DDX60: variants seen among roughly 807,000 people sequenced by gnomAD.
The protein encoded by DDX60 is DExD/H-box helicase 60, also known as probable ATP-dependent RNA helicase DDX60.
DDX60 carries 165 observed loss-of-function variants against 212.8 expected under a neutral mutation model. That is an observed-to-expected ratio of 0.78 (90% CI 0.68 to 0.88). The LOEUF (loss-of-function observed/expected upper bound fraction) is 0.88, where lower values mean the gene tolerates loss of function less well. Ranked by LOEUF, DDX60 falls within the 40% of genes least tolerant of loss-of-function variation. DDX60 has a pLI of 0.00. For missense variants in DDX60, 1,905 were observed against 2,003.9 expected (o/e 0.95, Z 0.94); for synonymous variants, 703 against 685.3 (o/e 1.03, Z -0.40).
intron 7 of DDX60, 142 bp from the exon 8 acceptor site, chr4:168,292,048 T>TC: frequency 4.7e-6 from 2 of 421,166 alleles, no homozygotes; most frequent in African/African-American, 6.6e-5. Flanking sequence ...TTTCTTTCTT[T>TC]CTTTTTTTTT....
At chr4:168,256,969 T>C (rs910418532) in intron 25 of DDX60, among the ~76,000 whole-genome samples, 24 of 152,378 alleles carry the variant, frequency 1.6e-4, no homozygotes, top group Middle Eastern at 3.4e-3. Flanking sequence ...TGAGAGTCTA[T>C]GCCACATGGC....
intron 16 of DDX60, 115 bp from the exon 17 acceptor site, chr4:168,274,198 A>G: frequency 1.6e-6 from 2 of 1,242,434 alleles, no homozygotes; most frequent in Non-Finnish European, 2.2e-6. Flanking sequence ...ATCTGTAGGT[A>G]CATCTGAAGG....
At chr4:168,230,235 C>T (rs1733398635) in intron 33 of DDX60, among the ~76,000 whole-genome samples, 1 of 151,900 alleles carries the variant, frequency 6.6e-6, no homozygotes, top group Admixed American at 6.6e-5. Flanking sequence ...TACTAATATA[C>T]CTAAGAAATG....
At chr4:168,224,409 A>G in intron 34 of DDX60, 24 bp from the exon 35 acceptor site, 2 of 1,607,922 alleles carry the variant, frequency 1.2e-6, no homozygotes, top group Non-Finnish European at 1.7e-6. Context: ...TTAGGGATAG[A>G]TTAGTGTTTT....
intron 3 of DDX60, 26 bp downstream of exon 3, chr4:168,310,972 G>T: frequency 7.4e-7 from 1 of 1,353,208 alleles, no homozygotes; most frequent in Non-Finnish European, 1.0e-6. Flanking sequence ...ATGATTTCCC[G>T]TCTTTATTAC....
intron 26 of DDX60, among the ~76,000 whole-genome samples, chr4:168,253,779 G>C (rs946131675): frequency 6.6e-6 from 1 of 152,052 alleles, no homozygotes; most frequent in African/African-American, 2.4e-5. Flanking sequence ...ATGCTACTAG[G>C]AATCTACCTA....
intron 14 of DDX60, among the ~76,000 whole-genome samples, chr4:168,277,341 T>A (rs1282488439): frequency 6.6e-6 from 1 of 152,208 alleles, no homozygotes; most frequent in Non-Finnish European, 1.5e-5. Context: ...GGGTGCCTCA[T>A]CGTTTTTGTT....
chr4:168,233,115 A>T (rs1460588026), intron 33 of DDX60, among the ~76,000 whole-genome samples: 1 of 152,088 alleles, frequency 6.6e-6, no homozygotes, highest in Admixed American at 6.6e-5. Flanking sequence ...AAAATGCTTA[A>T]CATTACTAAT....
intron 33 of DDX60, among the ~76,000 whole-genome samples, chr4:168,231,297 A>G (rs555311321): frequency 1.3e-5 from 2 of 152,140 alleles, no homozygotes; most frequent in East Asian, 3.9e-4. Flanking sequence ...TTTGGGACCA[A>G]GCCTACTGAC....
At chr4:168,317,300 G>A (rs1160435323) in intron 1 of DDX60, among the ~76,000 whole-genome samples, 5 of 151,888 alleles carry the variant, frequency 3.3e-5, no homozygotes, top group Non-Finnish European at 7.4e-5. Context: ...AAAAGGGGAT[G>A]AAAGAAATTG....
intron 29 of DDX60, among the ~76,000 whole-genome samples, chr4:168,246,820 C>T (rs1560824908): frequency 6.6e-6 from 1 of 152,088 alleles, no homozygotes; most frequent in Non-Finnish European, 1.5e-5. Flanking sequence ...AGACATCTGT[C>T]ATCATTACGT....
At chr4:168,267,033 G>A (rs1336766194) in intron 22 of DDX60, among the ~76,000 whole-genome samples, 3 of 152,102 alleles carry the variant, frequency 2.0e-5, no homozygotes, top group East Asian at 1.9e-4. Context: ...ATGGGACTAG[G>A]ATGAGAGAGG....
intron 33 of DDX60, 25 bp from the exon 34 acceptor site, chr4:168,225,701 A>G (rs371306614): frequency 1.2e-6 from 2 of 1,601,580 alleles, no homozygotes; most frequent in East Asian, 2.3e-5. Context: ...ATTTTCATAG[A>G]GATAGATCTA....
chr4:168,226,081 T>C (rs1449832990), intron 33 of DDX60, among the ~76,000 whole-genome samples: 3 of 152,104 alleles, frequency 2.0e-5, no homozygotes, highest in Non-Finnish European at 4.4e-5. Context: ...TTTTTAAACC[T>C]CACTGGATTC....
rs759229279 is a variant in DDX60, at chr4:168,251,126, T to C, written c.3706-20A>G. On this transcript the variant is annotated intron_variant, in intron 27 of 37. Transcript: ENST00000393743. ...CAAAGTCTAAAAGAAGCAAGACATTTAGGGATTATGATTTAATTTTAATTA... is the reference window on the plus strand; with the variant it reads ...CAAAGTCTAAAAGAAGCAAGACATTCAGGGATTATGATTTAATTTTAATTA... 7 of 1,590,294 alleles carry C rather than the reference T, an allele frequency of 4.4e-6. No individual in the cohort carries two copies. The highest frequency in any genetic ancestry group is 6.0e-6 in the Non-Finnish European group (7 of 1,170,596).
At chr4:168,264,296 G>A (rs1045005581) in intron 22 of DDX60, among the ~76,000 whole-genome samples, 3 of 152,110 alleles carry the variant, frequency 2.0e-5, no homozygotes, top group Admixed American at 6.5e-5. Context: ...ACTATAGAAC[G>A]TAAAACAATT....
chr4:168,250,873 G>T, intron 28 of DDX60, 81 bp downstream of exon 28: 1 of 1,209,050 alleles, frequency 8.3e-7, no homozygotes, highest in Non-Finnish European at 1.2e-6. Flanking sequence ...GAAAAATGGT[G>T]GTTGTATTCT....
chr4:168,282,965 T>C (rs900171197), intron 13 of DDX60, among the ~76,000 whole-genome samples: 6 of 151,860 alleles, frequency 4.0e-5, no homozygotes, highest in African/African-American at 1.5e-4. Flanking sequence ...TTTGCAGGAG[T>C]ACAAGCCACA....
At chr4:168,313,601 G>C (rs9996969) in intron 1 of DDX60, among the ~76,000 whole-genome samples, 4,277 of 152,226 alleles carry the variant, frequency 0.028, 211 homozygotes, top group African/African-American at 0.096. Flanking sequence ...AACTGAACAG[G>C]CAAGAGAGAA....
Sources: gnomAD v4.1 joint callset for allele counts (sites outside exome capture counted in the v4.1 genomes callset) on GRCh38, gnomAD v4.1.1 for gene constraint, MANE v1.5 for transcripts, NCBI Gene and HGNC (gene_info 2026-07-23, HGNC 2026-07-21) for gene names.